Variants in RPS6KC1 observed in about 807,000 individuals in gnomAD.
RPS6KC1 encodes ribosomal protein S6 kinase C1, also known as inactive ribosomal protein S6 kinase delta-1.
A neutral mutation model predicts 103.8 loss-of-function variants in RPS6KC1; 54 were observed. The observed-to-expected ratio is 0.52, with a 90% CI of 0.42 to 0.65. The LOEUF (loss-of-function observed/expected upper bound fraction) is 0.65, where lower values mean the gene tolerates loss of function less well. RPS6KC1 is among the 30% of genes least tolerant of loss of function. The probability of loss-of-function intolerance (pLI) is 0.00; values close to 1 mark genes in which losing one functional copy is unlikely to be tolerated. For synonymous variants in RPS6KC1, 439 were observed against 438.7 expected (o/e 1.00, Z -0.01); for missense variants, 1,151 against 1,253.8 (o/e 0.92, Z 1.24).
chr1:213,320,732 T>A, the RPS6KC1 span, among the ~76,000 whole-genome samples: 1 of 152,184 alleles, frequency 6.6e-6, no homozygotes, highest in African/African-American at 2.4e-5. Context: ...CAGATAAGAC[T>A]CATGGGGGTA....
At chr1:213,121,135 T>C (rs2084335314) in intron 5 of RPS6KC1, among the ~76,000 whole-genome samples, 2 of 152,182 alleles carry the variant, frequency 1.3e-5, no homozygotes, top group Non-Finnish European at 2.9e-5. Flanking sequence ...GGTCTCACTG[T>C]GCTGCCCAGG....
chr1:213,257,006 A>G (rs1573643024), intron 12 of RPS6KC1, among the ~76,000 whole-genome samples: 1 of 152,114 alleles, frequency 6.6e-6, no homozygotes, highest in Non-Finnish European at 1.5e-5. Flanking sequence ...ATCCATGCAA[A>G]TTTTACATTG....
the RPS6KC1 span, among the ~76,000 whole-genome samples, chr1:213,299,962 G>A: frequency 6.6e-6 from 1 of 151,942 alleles, no homozygotes; most frequent in African/African-American, 2.4e-5. Context: ...CTGCCACCAC[G>A]CCCGGCTAAT....
the RPS6KC1 span, among the ~76,000 whole-genome samples, chr1:213,813,694 G>A: frequency 6.6e-6 from 1 of 152,140 alleles, no homozygotes; most frequent in African/African-American, 2.4e-5. Context: ...AAGGAGGGTG[G>A]AGAATCTGTT....
At chr1:213,234,739 G>A (rs1438055571) in intron 10 of RPS6KC1, among the ~76,000 whole-genome samples, 1 of 152,102 alleles carries the variant, frequency 6.6e-6, no homozygotes, top group Non-Finnish European at 1.5e-5. Context: ...CTTCTTAAGG[G>A]GTGACAGAAT....
At chr1:213,296,264 A>G in the RPS6KC1 span, among the ~76,000 whole-genome samples, 1 of 152,256 alleles carries the variant, frequency 6.6e-6, no homozygotes, top group African/African-American at 2.4e-5. Flanking sequence ...ATTGGCCCTC[A>G]GAATCTCGAC....
the RPS6KC1 span, among the ~76,000 whole-genome samples, chr1:213,642,711 CA>C: frequency 6.6e-6 from 1 of 151,840 alleles, no homozygotes; most frequent in Non-Finnish European, 1.5e-5. Flanking sequence ...ATAAATTAAT[CA>C]AATTTGTCAA....
At chr1:213,185,833 G>A (rs1464387051) in intron 8 of RPS6KC1, among the ~76,000 whole-genome samples, 5 of 150,820 alleles carry the variant, frequency 3.3e-5, no homozygotes, top group African/African-American at 1.2e-4. Flanking sequence ...TTCTCTGGTA[G>A]TATGTTTTAA....
At chr1:213,164,156 T>C (rs2090740957) in intron 6 of RPS6KC1, among the ~76,000 whole-genome samples, 1 of 152,214 alleles carries the variant, frequency 6.6e-6, no homozygotes, top group Non-Finnish European at 1.5e-5. Flanking sequence ...AATTTTCTTA[T>C]AAAAGAGAAG....
intron 8 of RPS6KC1, among the ~76,000 whole-genome samples, chr1:213,182,840 AT>A (rs1011080008): frequency 3.4e-5 from 5 of 148,360 alleles, no homozygotes; most frequent in African/African-American, 1.2e-4. Flanking sequence ...ATATATCATG[AT>A]TTATATATCA....
At chr1:213,521,348 A>T in the RPS6KC1 span, among the ~76,000 whole-genome samples, 7 of 152,376 alleles carry the variant, frequency 4.6e-5, no homozygotes, top group African/African-American at 1.7e-4. Context: ...TAATTAAAAA[A>T]TACTTAAAAT....
At chr1:213,258,068 G>A (rs1366647935) in intron 12 of RPS6KC1, among the ~76,000 whole-genome samples, 1 of 152,054 alleles carries the variant, frequency 6.6e-6, no homozygotes, top group Non-Finnish European at 1.5e-5. Context: ...TGCAACCTCT[G>A]CCTCCTGGGT....
the RPS6KC1 span, among the ~76,000 whole-genome samples, chr1:213,607,362 A>G: frequency 2.6e-5 from 4 of 152,320 alleles, no homozygotes; most frequent in East Asian, 7.7e-4. Flanking sequence ...AAGGATTTGG[A>G]TATCTTGTGT....
At chr1:213,098,146 T>TG (rs1489282744) in intron 3 of RPS6KC1, among the ~76,000 whole-genome samples, 7 of 152,114 alleles carry the variant, frequency 4.6e-5, no homozygotes, top group African/African-American at 1.4e-4. Context: ...TACCGAGTCT[T>TG]GCTCTGTTTC....
At chr1:213,628,782 G>C in the RPS6KC1 span, among the ~76,000 whole-genome samples, 1 of 152,068 alleles carries the variant, frequency 6.6e-6, no homozygotes, top group African/African-American at 2.4e-5. Context: ...GGTATGTTGT[G>C]TGTTTGTTCT....
chr1:213,332,394 T>TA, the RPS6KC1 span, among the ~76,000 whole-genome samples: 2 of 152,218 alleles, frequency 1.3e-5, no homozygotes, highest in African/African-American at 4.8e-5. Flanking sequence ...ATGCTGTTGA[T>TA]ACAGCGATCC....
At chr1:213,056,789 T>G (rs999487946) in intron 1 of RPS6KC1, among the ~76,000 whole-genome samples, 1 of 152,100 alleles carries the variant, frequency 6.6e-6, no homozygotes, top group African/African-American at 2.4e-5. Context: ...TCTGGAATAC[T>G]CTTTCCTTTT....
intron 1 of RPS6KC1, among the ~76,000 whole-genome samples, chr1:213,053,060 G>A (rs1170561769): frequency 6.6e-6 from 1 of 152,182 alleles, no homozygotes; most frequent in Admixed American, 6.5e-5. Context: ...TGTTACATGG[G>A]TGGAATGTTA....
chr1:213,788,544 C>A, the RPS6KC1 span, among the ~76,000 whole-genome samples: 1 of 152,054 alleles, frequency 6.6e-6, no homozygotes, highest in Admixed American at 6.6e-5. Context: ...CTGACTCCCT[C>A]CCCATACCCT....
Sources: allele counts gnomAD v4.1 joint callset (sites outside exome capture counted in the v4.1 genomes callset), GRCh38; gene constraint gnomAD v4.1.1; transcripts MANE v1.5; gene names NCBI Gene and HGNC (gene_info 2026-07-23, HGNC 2026-07-21).